The following LRFN1 variants were observed in gnomAD, a reference collection of about 807,000 sequenced individuals.
The protein encoded by LRFN1 is leucine-rich repeat and fibronectin type III domain-containing protein 1.
A neutral mutation model predicts 31.8 loss-of-function variants in LRFN1; 20 were observed. That is an observed-to-expected ratio of 0.63 (90% CI 0.44 to 0.91). The LOEUF is 0.91. Among genes scored for constraint, LRFN1 ranks in the 40% least tolerant of loss-of-function variants. The probability of loss-of-function intolerance (pLI) is 0.00; values close to 1 mark genes in which losing one functional copy is unlikely to be tolerated. For synonymous variants in LRFN1, 514 were observed against 541.3 expected (o/e 0.95, Z 0.70); for missense variants, 912 against 1,129.8 (o/e 0.81, Z 2.76).
Position 39,308,634 on chromosome 19 carries a change from A to C in LRFN1, c.1407-92T>G, listed in dbSNP as rs1380147216. On this transcript the variant is annotated intron_variant, in intron 4 of 4. Transcript: ENST00000248668. The surrounding 1 kb of genome is among the most constrained non-coding windows in gnomAD (Gnocchi z 6.2). ...CGCCCATGGTGAACAGTGGGGACTA[A>C]ACCCTGCTATCGAAGTCTCAGCCGC... The C allele has an allele frequency of 1.7e-6, 2 of 1,170,362 alleles. No homozygotes were observed. Among genetic ancestry groups the C allele is most frequent in the Non-Finnish European group, 2.3e-6 (2 of 854,474 alleles). The allele number at this position is 1,170,362 out of a possible 1,614,324, so 72.5% of individuals were successfully genotyped here.
chr19:39,313,125 A>G (rs1207427173), intron 4 of LRFN1, among the ~76,000 whole-genome samples: 1 of 152,254 alleles, frequency 6.6e-6, no homozygotes, highest in African/African-American at 2.4e-5. Context: ...CAATGGCTTC[A>G]AACCCAAGTG....
chr19:39,309,369 G>A (rs113609543), intron 4 of LRFN1, among the ~76,000 whole-genome samples: 2,148 of 150,284 alleles, frequency 0.014, 48 homozygotes, highest in African/African-American at 0.046. Context: ...CAGGAAAATC[G>A]CTTGAACCCG....
chr19:39,320,525 C>G (rs2075185291), intron 1 of LRFN1, among the ~76,000 whole-genome samples: 1 of 152,034 alleles, frequency 6.6e-6, no homozygotes, highest in Non-Finnish European at 1.5e-5. Flanking sequence ...CGCGACAGCG[C>G]CCAGACACAC....
rs933518303 is a variant in LRFN1, at chr19:39,307,273, G to C, written c.*360C>G. 5.0e-6 allele frequency: 2 copies of C among 398,456 alleles called. No individual in the cohort carries two copies. The highest frequency in any genetic ancestry group is 2.1e-5 in the African/African-American group (1 of 48,588). 24.7% of individuals were successfully genotyped at this position (398,456 alleles called of 1,614,324 possible). The stretch of plus-strand genomic sequence containing the variant: ...CGCCCCGGCCCCGGGTGACGGGCTG[G>C]GGGAGGGGGCTCGTGTCTCAGTGCT... On this transcript the variant is annotated 3_prime_UTR_variant, in exon 5 of 5. Coordinates refer to ENST00000248668, the MANE Select transcript of LRFN1 (RefSeq NM_020862.2). The surrounding 1 kb of genome is among the most constrained non-coding windows in gnomAD (Gnocchi z 6.7).
intron 1 of LRFN1, among the ~76,000 whole-genome samples, chr19:39,319,387 T>C (rs939504580): frequency 6.6e-6 from 1 of 151,634 alleles, no homozygotes; most frequent in East Asian, 1.9e-4. Context: ...TTCACACATC[T>C]CCATGTTGCA....
Position 39,308,574 on chromosome 19 carries a change from A to C in LRFN1, c.1407-32T>G. 6.5e-7 allele frequency: 1 copy of C among 1,543,000 alleles called. No homozygotes were observed. The highest frequency in any genetic ancestry group is 8.7e-7 in the Non-Finnish European group (1 of 1,149,084). On this transcript the variant is annotated intron_variant, in intron 4 of 4. Coordinates refer to ENST00000248668, the MANE Select transcript of LRFN1 (RefSeq NM_020862.2). This position sits in a 1 kb window ranked among gnomAD's most constrained non-coding sequence, Gnocchi z 6.2. ...GAGGGGGCGGGTTCAGGGCGGGGTT[A>C]GTCCCCCCGAACCACGCCCCTTCGC...
chr19:39,311,802 A>T (rs552108901), intron 4 of LRFN1, among the ~76,000 whole-genome samples: 1 of 151,922 alleles, frequency 6.6e-6, no homozygotes, highest in South Asian at 2.1e-4. Context: ...CACAGTAGGC[A>T]TCTACTCAGT....
At chr19:39,319,156 A>G (rs1176292080) in intron 1 of LRFN1, among the ~76,000 whole-genome samples, 2 of 152,214 alleles carry the variant, frequency 1.3e-5, no homozygotes, top group Admixed American at 1.3e-4. Flanking sequence ...GCAACAATAC[A>G]TGTACAACAC....
At position 39,308,662 on chromosome 19, in the gene LRFN1, C is replaced by T; in HGVS notation, c.1407-120G>A. 3 of 877,730 alleles carry T rather than the reference C, an allele frequency of 3.4e-6. No homozygotes were observed. Among genetic ancestry groups the T allele is most frequent in the East Asian group, 5.4e-5 (2 of 37,358 alleles). The allele number at this position is 877,730 out of a possible 1,614,324, so 54.4% of individuals were successfully genotyped here. On this transcript the variant is annotated intron_variant, in intron 4 of 4. Coordinates refer to ENST00000248668, the MANE Select transcript of LRFN1 (RefSeq NM_020862.2). The surrounding 1 kb of genome is among the most constrained non-coding windows in gnomAD (Gnocchi z 6.2). ...CCTGCTATCGAAGTCTCAGCCGCTA[C>T]TGAGACAACAGCAGCAATTCAAGCC...
rs777113799 is a variant in LRFN1 at position 39,307,861 on chromosome 19, G to C, written c.2088C>G (p.Ala696=). ...AATAGCGCTGCTGCGGCCTCGGCCG[G>C]GCCGCGGCTCCCCCAGGAACTAGAG... is the stretch of plus-strand genomic sequence containing the variant. ...TLALVPGGAA[A]RPRPQQRYSF... Residue 696 remains alanine, a synonymous_variant, in exon 5 of 5, where the codon GCC becomes GCG. Transcript: ENST00000248668. This position sits in a 1 kb window ranked among gnomAD's most constrained non-coding sequence, Gnocchi z 6.7. 4 of 1,524,666 alleles carry C rather than the reference G, an allele frequency of 2.6e-6. No homozygotes were observed. Among genetic ancestry groups the C allele is most frequent in the Non-Finnish European group, 3.5e-6 (4 of 1,142,496 alleles). 94.4% of individuals were successfully genotyped at this position (1,524,666 alleles called of 1,614,324 possible).
rs1339875413 is a variant in LRFN1, at chr19:39,315,854, G to A, written c.-38+228C>T. Among the ~76,000 whole-genome samples the A allele has an allele frequency of 6.6e-6, 1 of 152,046 alleles. No homozygotes were observed. Among genetic ancestry groups the A allele is most frequent in the Non-Finnish European group, 1.5e-5 (1 of 68,002 alleles). On this transcript the variant is annotated intron_variant, in intron 3 of 4. Coordinates refer to ENST00000248668, the MANE Select transcript of LRFN1 (RefSeq NM_020862.2). This position sits in a 1 kb window ranked among gnomAD's most constrained non-coding sequence, Gnocchi z 4.7. ...TAAAAATAAAAATATCTCTATACTG[G>A]TTGATAGAATACCCCTGTCCCTACT... is the stretch of plus-strand genomic sequence containing the variant.
intron 4 of LRFN1, among the ~76,000 whole-genome samples, chr19:39,310,380 T>C (rs2075146569): frequency 1.3e-5 from 2 of 152,252 alleles, no homozygotes; most frequent in East Asian, 1.9e-4. Flanking sequence ...ACCTGGCACT[T>C]AATGATATCA....
At position 39,315,480 on chromosome 19, in the gene LRFN1, A is replaced by G. The variant is rs1600485273; in HGVS notation, c.-37-107T>C. The G allele has an allele frequency of 2.8e-6, 2 of 715,072 alleles. No homozygotes were observed. The highest frequency in any genetic ancestry group is 2.8e-5 in the East Asian group (1 of 35,754). The allele number at this position is 715,072 out of a possible 1,614,324, so 44.3% of individuals were successfully genotyped here. On this transcript the variant is annotated intron_variant, in intron 3 of 4. Transcript: ENST00000248668. This position sits in a 1 kb window ranked among gnomAD's most constrained non-coding sequence, Gnocchi z 4.7. ...CCCCTACCGCCTACAGCTGGGTTCC[A>G]TAGGATGGTGAGAGGAAGCCACTAT...
chr19:39,311,182 G>A (rs1215884820), intron 4 of LRFN1, among the ~76,000 whole-genome samples: 1 of 152,200 alleles, frequency 6.6e-6, no homozygotes, highest in Non-Finnish European at 1.5e-5. Flanking sequence ...AAAGCAAGCA[G>A]CTAAGCAGGC....
chr19:39,307,463 G>A lies in LRFN1; in HGVS notation c.*170C>T. 2 of 660,436 alleles carry A rather than the reference G, an allele frequency of 3.0e-6. No individual in the cohort carries two copies. The highest frequency in any genetic ancestry group is 4.4e-6 in the Non-Finnish European group (2 of 453,466). The allele number at this position is 660,436 out of a possible 1,614,324, so 40.9% of individuals were successfully genotyped here. ...CGAACCCCGCCCTGGGCACGGGGGC[G>A]TGGCCTCGAGCCGCAGCCCGAGGCT... On this transcript the variant is annotated 3_prime_UTR_variant, in exon 5 of 5. Transcript: ENST00000248668. The surrounding 1 kb of genome is among the most constrained non-coding windows in gnomAD (Gnocchi z 6.7).
At chr19:39,318,707 C>T (rs2145039923) in intron 1 of LRFN1, among the ~76,000 whole-genome samples, 1 of 152,292 alleles carries the variant, frequency 6.6e-6, no homozygotes, top group South Asian at 2.1e-4. Context: ...CCCAGCCCCT[C>T]AACTCCAAAG....
rs934324238 is a variant in LRFN1, at chr19:39,308,054, G to A, written c.1895C>T (p.Ser632Phe). ...TCCAAGGACCACCTCCGGCTCCGCG[G>A]ATGCCGTCTCGGCCTCCATGGCCTT... ...EAKAMEAETA[S>F]AEPEVVLGRS... The change falls in exon 5 of 5, where the codon TCC (serine) becomes TTC (phenylalanine). Residue 632 changes from serine (S) to phenylalanine (F), a missense_variant. Around this residue, in one of 2 missense-constraint regions of LRFN1, gnomAD observed 511 missense variants for 557.0 expected, o/e 0.92. Coordinates refer to ENST00000248668, the MANE Select transcript of LRFN1 (RefSeq NM_020862.2). This position sits in a 1 kb window ranked among gnomAD's most constrained non-coding sequence, Gnocchi z 6.2. 2.6e-6 allele frequency: 4 copies of A among 1,522,870 alleles called. No homozygotes were observed. The African/African-American group carries it at 5.6e-5, about 21-fold the overall frequency. The allele number at this position is 1,522,870 out of a possible 1,614,324, so 94.3% of individuals were successfully genotyped here. A position where few individuals can be genotyped will look rare whatever the true frequency, so the allele number is the denominator to read the frequency against.
intron 2 of LRFN1, among the ~76,000 whole-genome samples, chr19:39,316,832 G>A (rs967523039): frequency 9.9e-5 from 15 of 152,160 alleles, no homozygotes; most frequent in Non-Finnish European, 1.5e-4. Flanking sequence ...CAGGGTGGGC[G>A]GGGGGTGAAG....
Position 39,307,368 on chromosome 19 carries a change from A to C in LRFN1, c.*265T>G. 1 of 403,890 alleles carries C rather than the reference A, an allele frequency of 2.5e-6. No homozygotes were observed. Among genetic ancestry groups the C allele is most frequent in the East Asian group, 3.6e-5 (1 of 27,930 alleles). The allele number at this position is 403,890 out of a possible 1,614,324, so 25.0% of individuals were successfully genotyped here. On this transcript the variant is annotated 3_prime_UTR_variant, in exon 5 of 5. Transcript: ENST00000248668. The surrounding 1 kb of genome is among the most constrained non-coding windows in gnomAD (Gnocchi z 6.7). ...GGCACCGGCTCCAGCGAGGTCCGCG[A>C]GCGCGCGAGGGGAGGGGTAGGAGGG...
Sources: gnomAD v4.1 joint callset for allele counts (sites outside exome capture counted in the v4.1 genomes callset) on GRCh38, gnomAD v4.1.1 for gene constraint, gnomAD v4.1.1 regional missense constraint, Gnocchi (gnomAD v3.1) non-coding constraint, MANE v1.5 for transcripts, NCBI Gene and HGNC (gene_info 2026-07-23, HGNC 2026-07-21) for gene names.